Variants in SH3D19 observed in about 807,000 individuals in gnomAD.
The protein encoded by SH3D19 is SH3 domain containing 19.
SH3D19 carries 58 observed loss-of-function variants against 112.1 expected under a neutral mutation model. That is an observed-to-expected ratio of 0.52 (90% CI 0.42 to 0.64). The LOEUF is 0.64. SH3D19 is among the 30% of genes least tolerant of loss of function. SH3D19 has a pLI of 0.00. For missense variants in SH3D19, 1,090 were observed against 1,263.4 expected, an observed-to-expected ratio of 0.86 and a Z score of 2.08; for synonymous variants, 391 against 448.5, an observed-to-expected ratio of 0.87 and a Z score of 1.62.
chr4:151,251,982 G>A (rs1771445221), intron 1 of SH3D19, among the ~76,000 whole-genome samples: 1 of 152,134 alleles, frequency 6.6e-6, no homozygotes, highest in Non-Finnish European at 1.5e-5. Context: ...ATAAGCAGAG[G>A]AATTCCACCA....
At chr4:151,173,081 C>T (rs1448918640) in intron 7 of SH3D19, among the ~76,000 whole-genome samples, 1 of 152,172 alleles carries the variant, frequency 6.6e-6, no homozygotes, top group Non-Finnish European at 1.5e-5. Context: ...TGTTGACCTT[C>T]CTTTTTGAAG....
chr4:151,264,418 A>G (rs1438278005), intron 1 of SH3D19, among the ~76,000 whole-genome samples: 1 of 97,294 alleles, frequency 1.0e-5, no homozygotes, highest in Admixed American at 1.5e-4. Flanking sequence ...ACAGAGTGAG[A>G]CTCTGTCTCA....
chr4:151,271,768 CATTA>C (rs1486659031), intron 1 of SH3D19, among the ~76,000 whole-genome samples: 14 of 152,168 alleles, frequency 9.2e-5, no homozygotes, highest in African/African-American at 2.9e-4. Flanking sequence ...TAACAGCTGC[CATTA>C]ATTATCACAT....
At chr4:151,130,059 A>C (rs1228837313) in intron 17 of SH3D19, among the ~76,000 whole-genome samples, 1 of 152,208 alleles carries the variant, frequency 6.6e-6, no homozygotes, top group East Asian at 1.9e-4. Flanking sequence ...GTAGGGATAA[A>C]GAATTAAGGG....
At chr4:151,286,439 A>G (rs1488913826) in intron 1 of SH3D19, among the ~76,000 whole-genome samples, 1 of 151,534 alleles carries the variant, frequency 6.6e-6, no homozygotes, top group Non-Finnish European at 1.5e-5. Flanking sequence ...AAATAAAAAG[A>G]ATTTGTAACA....
intron 9 of SH3D19, among the ~76,000 whole-genome samples, chr4:151,150,202 AAAAAAT>A (rs1754691289): frequency 1.5e-5 from 1 of 68,932 alleles, no homozygotes; most frequent in South Asian, 4.0e-4. Context: ...AAAAAAAAAA[AAAAAAT>A]ATATATATAT....
At chr4:151,128,773 T>C (rs941558109) in intron 17 of SH3D19, among the ~76,000 whole-genome samples, 5 of 152,104 alleles carry the variant, frequency 3.3e-5, no homozygotes, top group African/African-American at 1.2e-4. Context: ...CCCGAGTAGC[T>C]GGGACTACAG....
At chr4:151,278,762 C>T (rs1360943315) in intron 1 of SH3D19, among the ~76,000 whole-genome samples, 1 of 152,212 alleles carries the variant, frequency 6.6e-6, no homozygotes, top group Non-Finnish European at 1.5e-5. Flanking sequence ...TCCCAAGTAG[C>T]TGGGACTACA....
chr4:151,176,357 A>T (rs548205803), intron 6 of SH3D19, among the ~76,000 whole-genome samples, 177 bp downstream of exon 6: 2 of 152,350 alleles, frequency 1.3e-5, no homozygotes, highest in Non-Finnish European at 2.9e-5. Context: ...TGTAAGAATG[A>T]TCTATTATAA....
intron 2 of SH3D19, among the ~76,000 whole-genome samples, chr4:151,225,676 A>T (rs142338308): frequency 6.6e-6 from 1 of 152,150 alleles, no homozygotes; most frequent in Non-Finnish European, 1.5e-5. Flanking sequence ...ATATCTTTTA[A>T]ATTTCTACAG....
intron 1 of SH3D19, among the ~76,000 whole-genome samples, chr4:151,320,373 T>C (rs145803523): frequency 1.5e-3 from 228 of 152,282 alleles, no homozygotes; most frequent in African/African-American, 5.1e-3. Context: ...TGTTTGAGAA[T>C]CTGATGAAAG....
intron 9 of SH3D19, 40 bp from the exon 10 acceptor site, chr4:151,149,601 T>C (rs1184710342): frequency 1.6e-5 from 26 of 1,577,184 alleles, no homozygotes; most frequent in Non-Finnish European, 2.2e-5. Flanking sequence ...AAGGTTAATC[T>C]GAAACAAGAA....
At chr4:151,138,332 G>A (rs1027255556) in intron 13 of SH3D19, among the ~76,000 whole-genome samples, 1 of 152,154 alleles carries the variant, frequency 6.6e-6, no homozygotes, top group African/African-American at 2.4e-5. Flanking sequence ...TGGATAAAAA[G>A]AGATTGTAAG....
intron 2 of SH3D19, among the ~76,000 whole-genome samples, chr4:151,206,717 A>C (rs574738436): frequency 6.6e-6 from 1 of 152,270 alleles, no homozygotes; most frequent in South Asian, 2.1e-4. Context: ...ACTTGAATTA[A>C]ATTAAAGGGG....
At chr4:151,289,584 A>G (rs1011851066) in intron 1 of SH3D19, among the ~76,000 whole-genome samples, 1 of 152,256 alleles carries the variant, frequency 6.6e-6, no homozygotes, top group African/African-American at 2.4e-5. Context: ...CTAAAGATAT[A>G]CAAATGTCCA....
intron 3 of SH3D19, among the ~76,000 whole-genome samples, chr4:151,184,672 C>T (rs962987611): frequency 1.3e-5 from 2 of 152,166 alleles, no homozygotes; most frequent in African/African-American, 4.8e-5. Context: ...TTCCCTGCTG[C>T]CTACAAATGT....
At chr4:151,322,383 T>C (rs1460147875) in intron 1 of SH3D19, among the ~76,000 whole-genome samples, 1 of 135,784 alleles carries the variant, frequency 7.4e-6, no homozygotes, top group Admixed American at 8.6e-5. Context: ...CAGTGAGCCA[T>C]GACCACGCCA....
Position 151,185,746 on chromosome 4 carries a change from G to A in SH3D19, c.193+1677C>T, listed in dbSNP as rs143320125. ...TTCAAATGCATATTCTTCATGACCTGTGAATATCCTAAATTCATAATGGGC... is the reference window on the plus strand; with the variant it reads ...TTCAAATGCATATTCTTCATGACCTATGAATATCCTAAATTCATAATGGGC... On this transcript the variant is annotated intron_variant, in intron 3 of 19. Coordinates refer to ENST00000604030, the MANE Select transcript of SH3D19 (RefSeq NM_001378122.1). Among the ~76,000 whole-genome samples the A allele has an allele frequency of 7.2e-5, 11 of 152,280 alleles. No homozygotes were observed. In the East Asian group the frequency reaches 2.1e-3, roughly 29 times the overall value.
intron 3 of SH3D19, among the ~76,000 whole-genome samples, chr4:151,183,155 T>C (rs1761218994): frequency 1.3e-5 from 2 of 151,590 alleles, no homozygotes; most frequent in South Asian, 2.1e-4. Context: ...CTGCGCCGGG[T>C]TAATTTTTGT....
Sources: allele counts gnomAD v4.1 joint callset (sites outside exome capture counted in the v4.1 genomes callset), GRCh38; gene constraint gnomAD v4.1.1; transcripts MANE v1.5; gene names NCBI Gene and HGNC (gene_info 2026-07-23, HGNC 2026-07-21).